SHLD1: variants seen among roughly 807,000 people sequenced by gnomAD.
SHLD1 encodes RINN1-REV7-interacting novel NHEJ regulator 3.
In SHLD1, 3 loss-of-function variants were observed where a neutral mutation model predicts 5.5. The observed-to-expected ratio is 0.54, with a 90% CI of 0.25 to 1.40. SHLD1 has a LOEUF of 1.40. Ranked by LOEUF, SHLD1 falls within the 40% of genes most tolerant of loss-of-function variation. The pLI is 0.15. For missense variants in SHLD1, 210 were observed against 244.4 expected, an observed-to-expected ratio of 0.86 and a Z score of 0.94; for synonymous variants, 92 against 94.3, an observed-to-expected ratio of 0.98 and a Z score of 0.14.
chr20:5,767,975 CTT>C (rs71197793), intron 1 of SHLD1, among the ~76,000 whole-genome samples: 38 of 134,646 alleles, frequency 2.8e-4, no homozygotes, highest in African/African-American at 4.7e-4. Flanking sequence ...GTGACGAATT[CTT>C]TTTTTTTTTT....
chr20:5,796,563 A>G (rs1207970704), intron 2 of SHLD1, among the ~76,000 whole-genome samples: 4 of 152,134 alleles, frequency 2.6e-5, no homozygotes, highest in Non-Finnish European at 5.9e-5. Flanking sequence ...GCAGTGGCTC[A>G]TGCCTGTAAT....
chr20:5,750,641 T>C (rs1313275855), intron 1 of SHLD1, among the ~76,000 whole-genome samples, 162 bp downstream of exon 1: 1 of 152,146 alleles, frequency 6.6e-6, no homozygotes, highest in African/African-American at 2.4e-5. Flanking sequence ...ACACGGTGTC[T>C]GCAGCCTGTG....
At chr20:5,778,616 A>AT (rs1985549781) in intron 2 of SHLD1, among the ~76,000 whole-genome samples, 1 of 151,816 alleles carries the variant, frequency 6.6e-6, no homozygotes, top group African/African-American at 2.4e-5. Context: ...AAAAAAAAAA[A>AT]AAAAATAAGG....
chr20:5,789,420 T>C (rs1249369459), intron 2 of SHLD1, among the ~76,000 whole-genome samples: 1 of 150,618 alleles, frequency 6.6e-6, no homozygotes, highest in East Asian at 2.0e-4. Flanking sequence ...CTACTAAAGA[T>C]ACAAAAATTA....
intron 2 of SHLD1, among the ~76,000 whole-genome samples, chr20:5,786,301 G>A (rs530655597): frequency 2.0e-5 from 3 of 152,292 alleles, no homozygotes; most frequent in Admixed American, 1.3e-4. Flanking sequence ...ATCTGGCTGG[G>A]TGCAGTGGCT....
At chr20:5,822,544 G>A (rs967711135) in intron 2 of SHLD1, among the ~76,000 whole-genome samples, 1 of 152,110 alleles carries the variant, frequency 6.6e-6, no homozygotes, top group African/African-American at 2.4e-5. Flanking sequence ...GTGTGTGAGT[G>A]TGTGTGCTTG....
chr20:5,829,969 T>C (rs1408089586), intron 2 of SHLD1, among the ~76,000 whole-genome samples: 1 of 152,206 alleles, frequency 6.6e-6, no homozygotes, highest in Non-Finnish European at 1.5e-5. Context: ...TCTTGGGTGA[T>C]AGAAGATCAG....
At chr20:5,807,048 A>G (rs1200303208) in intron 2 of SHLD1, among the ~76,000 whole-genome samples, 1 of 152,228 alleles carries the variant, frequency 6.6e-6, no homozygotes, top group Non-Finnish European at 1.5e-5. Flanking sequence ...CACTGCTTTC[A>G]GCTGGAGCCC....
At chr20:5,838,377 T>C (rs6139852) in intron 2 of SHLD1, among the ~76,000 whole-genome samples, 7,414 of 152,298 alleles carry the variant, frequency 0.049, 323 homozygotes, top group East Asian at 0.22. Context: ...GAAAACTTCT[T>C]TTTCATTGTA....
intron 2 of SHLD1, among the ~76,000 whole-genome samples, chr20:5,846,584 T>A (rs1410886052): frequency 2.6e-5 from 4 of 152,206 alleles, no homozygotes; most frequent in Non-Finnish European, 5.9e-5. Flanking sequence ...TAAAAACCAC[T>A]GGGGAAAAAC....
chr20:5,810,129 C>T (rs775133136), intron 2 of SHLD1, among the ~76,000 whole-genome samples: 8 of 151,864 alleles, frequency 5.3e-5, no homozygotes, highest in East Asian at 1.9e-4. Context: ...TGATGCTGCG[C>T]GCCTGTAATC....
chr20:5,805,705 A>G (rs1223552690), intron 2 of SHLD1, among the ~76,000 whole-genome samples: 1 of 152,142 alleles, frequency 6.6e-6, no homozygotes, highest in Non-Finnish European at 1.5e-5. Flanking sequence ...GGTTCAAATG[A>G]TTCTCATGCC....
At chr20:5,843,297 T>TTTTG (rs2087888447) in intron 2 of SHLD1, among the ~76,000 whole-genome samples, 1 of 149,990 alleles carries the variant, frequency 6.7e-6, no homozygotes, top group African/African-American at 2.4e-5. Flanking sequence ...GTTTTTTTCT[T>TTTTG]TTTTTTTTTT....
At chr20:5,808,874 T>C (rs575114913) in intron 2 of SHLD1, among the ~76,000 whole-genome samples, 1 of 152,280 alleles carries the variant, frequency 6.6e-6, no homozygotes, top group South Asian at 2.1e-4. Flanking sequence ...TTACAGATGG[T>C]GAAAGTGTTA....
chr20:5,776,174 G>A (rs1356921884), intron 2 of SHLD1, among the ~76,000 whole-genome samples: 4 of 151,890 alleles, frequency 2.6e-5, no homozygotes, highest in Non-Finnish European at 4.4e-5. Flanking sequence ...TGATCCACCC[G>A]CTGTGGTCAT....
At chr20:5,786,472 G>A (rs1353708234) in intron 2 of SHLD1, among the ~76,000 whole-genome samples, 1 of 152,136 alleles carries the variant, frequency 6.6e-6, no homozygotes, top group Non-Finnish European at 1.5e-5. Context: ...GTACTTAGGA[G>A]GCTGAGGTGG....
rs776358532 is a variant in SHLD1 at position 5,778,114 on chromosome 20, C to CTTT, written c.178+5089_178+5091dup. On this transcript the variant is annotated intron_variant, in intron 2 of 2. Coordinates refer to ENST00000303142, the MANE Select transcript of SHLD1 (RefSeq NM_152504.4). Reference sequence around the variant, plus strand: ...GGCTGAGGCAGGAGGATCCCTTTTTCTTTTTTTTTTTTTTTTTTTTGAGAC... The same window carrying CTTT: ...GGCTGAGGCAGGAGGATCCCTTTTTCTTTTTTTTTTTTTTTTTTTTTTTGAGAC... Among the ~76,000 whole-genome samples, 403 of 111,922 alleles carry CTTT rather than the reference C, an allele frequency of 3.6e-3. 7 individuals are homozygous for CTTT. The highest frequency in any genetic ancestry group is 5.8e-3 in the African/African-American group (173 of 30,066). 73.4% of individuals were successfully genotyped at this position (111,922 alleles called of 152,430 possible). A position where few individuals can be genotyped will look rare whatever the true frequency, so the allele number is the denominator to read the frequency against.
intron 2 of SHLD1, among the ~76,000 whole-genome samples, chr20:5,846,909 C>G (rs917288238): frequency 1.3e-5 from 2 of 152,144 alleles, no homozygotes; most frequent in Non-Finnish European, 2.9e-5. Flanking sequence ...CGGGGTAAGC[C>G]TCAGTTTCAT....
chr20:5,759,411 A>T (rs1419094885), intron 1 of SHLD1, among the ~76,000 whole-genome samples: 1 of 151,506 alleles, frequency 6.6e-6, no homozygotes, highest in Non-Finnish European at 1.5e-5. Context: ...GGGTGTCCAC[A>T]ACCACGCCCA....
Sources: allele counts gnomAD v4.1 joint callset (sites outside exome capture counted in the v4.1 genomes callset), GRCh38; gene constraint gnomAD v4.1.1; transcripts MANE v1.5; gene names NCBI Gene and HGNC (gene_info 2026-07-23, HGNC 2026-07-21).